DNAH9: variants seen among roughly 807,000 people sequenced by gnomAD.
DNAH9 encodes dynein axonemal heavy chain 9.
In DNAH9, 345 loss-of-function variants were observed where a neutral mutation model predicts 471.6. The ratio of observed to expected loss-of-function variants is 0.73; its 90% CI spans 0.67 to 0.80. The LOEUF is 0.80. Among genes scored for constraint, DNAH9 ranks in the 30% least tolerant of loss-of-function variants. The probability of loss-of-function intolerance (pLI) is 0.00; values close to 1 mark genes in which losing one functional copy is unlikely to be tolerated. For missense variants in DNAH9, 5,407 were observed against 5,609.2 expected, an observed-to-expected ratio of 0.96 and a Z score of 1.15; for synonymous variants, 2,093 against 2,123.6, an observed-to-expected ratio of 0.99 and a Z score of 0.40.
At chr17:11,798,432 CAAAAAAAAAA>C (rs71142247) in intron 43 of DNAH9, among the ~76,000 whole-genome samples, 17,710 of 62,326 alleles carry the variant, frequency 0.28, 1,417 homozygotes, top group Middle Eastern at 0.36. Flanking sequence ...GACTCTGCCT[CAAAAAAAAAA>C]AAAAAAAAAA....
At chr17:11,624,123 C>A (rs2072926149) in intron 6 of DNAH9, among the ~76,000 whole-genome samples, 1 of 152,132 alleles carries the variant, frequency 6.6e-6, no homozygotes, top group Non-Finnish European at 1.5e-5. Context: ...GAGATTTAAC[C>A]CTTGTGGAGG....
chr17:11,656,022 G>C (rs1214610104), intron 14 of DNAH9, among the ~76,000 whole-genome samples: 1 of 152,056 alleles, frequency 6.6e-6, no homozygotes, highest in South Asian at 2.1e-4. Flanking sequence ...TGCTATAAAC[G>C]GGCCTGTGCC....
intron 61 of DNAH9, among the ~76,000 whole-genome samples, chr17:11,912,424 TATG>T (rs758368175): frequency 1.3e-5 from 2 of 152,230 alleles, no homozygotes; most frequent in Non-Finnish European, 2.9e-5. Flanking sequence ...CATCATTAAG[TATG>T]ATGTCAGCAG....
intron 14 of DNAH9, among the ~76,000 whole-genome samples, chr17:11,654,409 T>C (rs12948294): frequency 6.7e-6 from 1 of 149,952 alleles, no homozygotes; most frequent in Admixed American, 6.7e-5. Context: ...CCATCTATCG[T>C]CTATGTATCT....
chr17:11,869,489 AG>A (rs747201598), intron 51 of DNAH9, among the ~76,000 whole-genome samples: 2 of 152,236 alleles, frequency 1.3e-5, no homozygotes, highest in Non-Finnish European at 2.9e-5. Context: ...TGGATCTATC[AG>A]GCAGCTCATG....
Position 11,866,869 on chromosome 17 carries a change from C to T in DNAH9, c.9934-2265C>T, listed in dbSNP as rs914578173. Among the ~76,000 whole-genome samples the T allele has an allele frequency of 3.3e-5, 5 of 152,314 alleles. No individual in the cohort carries two copies. In the East Asian group the frequency reaches 5.8e-4, roughly 18 times the overall value. On this transcript the variant is annotated intron_variant, in intron 50 of 68. Coordinates refer to ENST00000262442, the MANE Select transcript of DNAH9 (RefSeq NM_001372.4). ...CTGGTGCACTGTTTTTTAAGGCCAT[C>T]GGAAAAGGGCAGTATTCGGGTGGGA...
intron 17 of DNAH9, among the ~76,000 whole-genome samples, chr17:11,671,480 A>C (rs2073971570): frequency 6.6e-6 from 1 of 152,154 alleles, no homozygotes; most frequent in Non-Finnish European, 1.5e-5. Flanking sequence ...CATGGCAAGC[A>C]GGCTCAGGAT....
At position 11,883,649 on chromosome 17, in the gene DNAH9, C is replaced by T. The variant is rs865997943; in HGVS notation, c.10870C>T (p.Leu3624Phe). The T allele has an allele frequency of 6.2e-7, 1 of 1,614,128 alleles. No homozygotes were observed. Among genetic ancestry groups the T allele is most frequent in the Non-Finnish European group, 8.5e-7 (1 of 1,180,002 alleles). The change falls in exon 56 of 69, where the codon CTC becomes TTC. Residue 3624 changes from leucine to phenylalanine, a missense_variant. Leu to Phe is a conservative substitution (Grantham distance 22). Coordinates refer to ENST00000262442, the MANE Select transcript of DNAH9 (RefSeq NM_001372.4). ...ITLKTLEDSL[L>F]SRLSSASGNF... The stretch of plus-strand genomic sequence containing the variant: ...CCTGAAAACGTTGGAAGACAGTCTT[C>T]TCTCTCGCCTCTCCTCCGCCTCTGG...
intron 53 of DNAH9, among the ~76,000 whole-genome samples, chr17:11,876,613 T>C (rs959488352): frequency 2.0e-5 from 3 of 152,210 alleles, no homozygotes; most frequent in Admixed American, 6.5e-5. Flanking sequence ...GCCAAATTCA[T>C]TGAGACAGAA....
chr17:11,941,020 A>G (rs1196360616), intron 66 of DNAH9, among the ~76,000 whole-genome samples: 4 of 152,120 alleles, frequency 2.6e-5, no homozygotes, highest in Admixed American at 6.5e-5. Context: ...CAGGTAAAAG[A>G]AGGGTAGACT....
At chr17:11,912,074 G>A (rs1973810008) in intron 61 of DNAH9, among the ~76,000 whole-genome samples, 1 of 152,114 alleles carries the variant, frequency 6.6e-6, no homozygotes, top group Admixed American at 6.6e-5. Flanking sequence ...CTGGAGTGCA[G>A]TGGCACGATC....
At chr17:11,620,888 C>T (rs965631617) in intron 6 of DNAH9, among the ~76,000 whole-genome samples, 3 of 152,088 alleles carry the variant, frequency 2.0e-5, no homozygotes, top group African/African-American at 7.2e-5. Flanking sequence ...TATGTCTTTC[C>T]CTCAATTATT....
chr17:11,950,178 T>C (rs1409416065), intron 67 of DNAH9, among the ~76,000 whole-genome samples: 1 of 152,210 alleles, frequency 6.6e-6, no homozygotes, highest in Non-Finnish European at 1.5e-5. Context: ...TCCTCGACTC[T>C]CAAATTCCCC....
intron 15 of DNAH9, among the ~76,000 whole-genome samples, chr17:11,666,836 G>A (rs1325546092): frequency 6.6e-6 from 1 of 152,198 alleles, no homozygotes; most frequent in Non-Finnish European, 1.5e-5. Flanking sequence ...TTAACCTGGA[G>A]GGGAGTAGAC....
At chr17:11,949,125 A>T (rs747331747) in intron 67 of DNAH9, among the ~76,000 whole-genome samples, 3 of 152,204 alleles carry the variant, frequency 2.0e-5, no homozygotes, top group Non-Finnish European at 2.9e-5. Context: ...AGGAAAAATG[A>T]GGTTTTCACT....
chr17:11,896,865 C>T (rs1007894799), intron 59 of DNAH9, among the ~76,000 whole-genome samples: 14 of 152,228 alleles, frequency 9.2e-5, no homozygotes, highest in African/African-American at 2.2e-4. Context: ...CCAAGGTGGG[C>T]GGATCACCTG....
chr17:11,843,957 G>GAC (rs1971126836), intron 49 of DNAH9, among the ~76,000 whole-genome samples: 1 of 145,428 alleles, frequency 6.9e-6, no homozygotes, highest in Non-Finnish European at 1.5e-5. Context: ...ATCACACCAG[G>GAC]ACATAATGTT....
chr17:11,685,798 T>A (rs1226351494), intron 19 of DNAH9, among the ~76,000 whole-genome samples: 1 of 144,988 alleles, frequency 6.9e-6, no homozygotes, highest in Non-Finnish European at 1.5e-5. Context: ...GTTGGATACA[T>A]TAATTTTTTT....
intron 67 of DNAH9, among the ~76,000 whole-genome samples, chr17:11,956,245 G>T (rs953435717): frequency 1.3e-5 from 2 of 152,170 alleles, no homozygotes; most frequent in African/African-American, 4.8e-5. Context: ...ATATTACCAT[G>T]GATGAAGAGG....
Sources: allele counts gnomAD v4.1 joint callset (sites outside exome capture counted in the v4.1 genomes callset), GRCh38; gene constraint gnomAD v4.1.1; transcripts MANE v1.5; gene names NCBI Gene and HGNC (gene_info 2026-07-23, HGNC 2026-07-21).